Variants in NRP1 observed in about 807,000 individuals in gnomAD.
The protein encoded by NRP1 is neuropilin 1.
Under a neutral mutation model 106.7 loss-of-function variants are expected in NRP1, and 35 were observed. That is an observed-to-expected ratio of 0.33 (90% confidence interval 0.25 to 0.43). The LOEUF is 0.43. Ranked by LOEUF, NRP1 falls within the 20% of genes least tolerant of loss-of-function variation. The pLI is 1.00. For synonymous variants in NRP1, 437 were observed against 417.9 expected, an observed-to-expected ratio of 1.05 and a Z score of -0.56; for missense variants, 1,024 against 1,170.4, an observed-to-expected ratio of 0.87 and a Z score of 1.83.
chr10:33,281,230 A>C (rs1302685962), intron 2 of NRP1, among the ~76,000 whole-genome samples: 1 of 152,014 alleles, frequency 6.6e-6, no homozygotes, highest in Non-Finnish European at 1.5e-5. Context: ...TTGTACTTTT[A>C]GTAGAGACAG....
chr10:33,237,254 A>G (rs1276167269), intron 6 of NRP1, among the ~76,000 whole-genome samples: 2 of 152,166 alleles, frequency 1.3e-5, no homozygotes, highest in Non-Finnish European at 2.9e-5. Flanking sequence ...ATGTGGAGGT[A>G]ATGATGTTAT....
At chr10:33,256,272 T>C (rs770835645) in intron 5 of NRP1, 44 bp downstream of exon 5, 11 of 1,593,392 alleles carry the variant, frequency 6.9e-6, no homozygotes, top group South Asian at 4.4e-5. Context: ...AGGAATAACA[T>C]TGAGTATTTA....
In NRP1 at chr10:33,202,920, C is replaced by G; in HGVS notation, c.1835G>C (p.Ser612Thr). 1 of 1,614,234 alleles carries G rather than the reference C, an allele frequency of 6.2e-7. No individual in the cohort carries two copies. Among genetic ancestry groups the G allele is most frequent in the Non-Finnish European group, 8.5e-7 (1 of 1,180,048 alleles). ...GAGCTGGAAGTCATCACCTGTTCCACTGTGGCAGTTGGCCTGGTCGTCATC... is the reference window on the plus strand; with the variant it reads ...GAGCTGGAAGTCATCACCTGTTCCAGTGTGGCAGTTGGCCTGGTCGTCATC... ...ECDDDQANCH[S>T]GTGDDFQLTG... Residue 612 changes from serine (S) to threonine (T), a missense_variant, in exon 11 of 17, where the codon AGT (serine) becomes ACT (threonine). By Grantham distance (58) the Ser-to-Thr change is moderately conservative (BLOSUM62 1). Around this residue, in one of 5 missense-constraint regions of NRP1, gnomAD observed 562 missense variants for 620.3 expected, o/e 0.91. Transcript: ENST00000374867.
chr10:33,305,540 T>A (rs1031552911), intron 2 of NRP1, among the ~76,000 whole-genome samples: 17 of 152,130 alleles, frequency 1.1e-4, no homozygotes, highest in African/African-American at 3.9e-4. Flanking sequence ...GTCTCGGGAA[T>A]CCTGGGAACC....
intron 4 of NRP1, among the ~76,000 whole-genome samples, chr10:33,262,446 T>A (rs1240881715): frequency 1.3e-5 from 2 of 152,110 alleles, no homozygotes; most frequent in Admixed American, 6.6e-5. Context: ...CTCATGCCTG[T>A]AATCTCAGCA....
chr10:33,218,978 G>A (rs567869171), intron 8 of NRP1, among the ~76,000 whole-genome samples: 6 of 152,240 alleles, frequency 3.9e-5, no homozygotes, highest in East Asian at 1.9e-4. Context: ...CAGGAATACT[G>A]TAGTCCTCCT....
intron 2 of NRP1, among the ~76,000 whole-genome samples, chr10:33,308,755 C>T (rs1846353671): frequency 6.6e-6 from 1 of 152,076 alleles, no homozygotes; most frequent in Non-Finnish European, 1.5e-5. Flanking sequence ...TCCCAAAGTG[C>T]TGGGATTACA....
At position 33,263,685 on chromosome 10, in the gene NRP1, G is replaced by A; in HGVS notation, c.619C>T (p.Arg207Cys). Residue 207 changes from arginine (R) to cysteine (C), a missense_variant, in exon 4 of 17, where the codon CGC (arginine) becomes TGC (cysteine). Transcript: ENST00000374867. ...TCCCAGATTTCTAGCCGGTCGTAGC[G>A]ACAGAACATCCCCCCTGGAGGATTT... is the stretch of plus-strand genomic sequence containing the variant. Reference protein sequence around the residue: ...DSNPPGGMFCRYDRLEIWDGF... With the variant: ...DSNPPGGMFCCYDRLEIWDGF... 2.5e-6 allele frequency: 4 copies of A among 1,613,996 alleles called. No individual in the cohort carries two copies. Among genetic ancestry groups the A allele is most frequent in the East Asian group, 2.2e-5 (1 of 44,872 alleles).
At chr10:33,311,821 T>A (rs532787428) in intron 2 of NRP1, among the ~76,000 whole-genome samples, 1 of 152,302 alleles carries the variant, frequency 6.6e-6, no homozygotes, top group African/African-American at 2.4e-5. Context: ...AGGACTTGTA[T>A]AATATTCCAC....
chr10:33,304,532 C>G (rs1846013855), intron 2 of NRP1, among the ~76,000 whole-genome samples: 1 of 152,174 alleles, frequency 6.6e-6, no homozygotes, highest in Admixed American at 6.5e-5. Flanking sequence ...CTCTTTAGCA[C>G]TAGGGCACCA....
chr10:33,312,755 G>A (rs1250655302), intron 2 of NRP1, among the ~76,000 whole-genome samples: 1 of 152,182 alleles, frequency 6.6e-6, no homozygotes, highest in African/African-American at 2.4e-5. Flanking sequence ...GACACAAAGA[G>A]TGAGGTGGGA....
At chr10:33,307,904 AC>A (rs974437889) in intron 2 of NRP1, among the ~76,000 whole-genome samples, 1 of 152,190 alleles carries the variant, frequency 6.6e-6, no homozygotes, top group South Asian at 2.1e-4. Flanking sequence ...TACCATAAAG[AC>A]ACATGCACAC....
intron 10 of NRP1, 34 bp from the exon 11 acceptor site, chr10:33,203,029 C>A: frequency 6.3e-7 from 1 of 1,577,264 alleles, no homozygotes; most frequent in South Asian, 1.2e-5. Context: ...TATCTCACAC[C>A]TTGGAAATGT....
At chr10:33,221,889 CT>C in intron 7 of NRP1, 26 bp from the exon 8 acceptor site, 1 of 1,581,708 alleles carries the variant, frequency 6.3e-7, no homozygotes, top group Non-Finnish European at 8.7e-7. Context: ...AAGTGCCTTT[CT>C]TTAGCAGAGG....
rs144789048 is a variant in NRP1, at chr10:33,264,970, C to T, written c.431-1097G>A. Among the ~76,000 whole-genome samples, 558 of 152,068 alleles carry T rather than the reference C, an allele frequency of 3.7e-3. 1 individual carries two copies. The highest frequency in any genetic ancestry group is 0.011 in the African/African-American group (449 of 41,480). On this transcript the variant is annotated intron_variant, in intron 3 of 16. Coordinates refer to ENST00000374867, the MANE Select transcript of NRP1 (RefSeq NM_003873.7). ...ACTAAAAATAGAAAAATTAGCTGGG[C>T]GTGGTCGTGGGCACCTGTAATCCCA...
At chr10:33,186,606 C>T (rs1418456438) in intron 13 of NRP1, 118 bp from the exon 14 acceptor site, 7 of 1,207,578 alleles carry the variant, frequency 5.8e-6, no homozygotes, top group Middle Eastern at 2.0e-4. Context: ...AACCCAAATA[C>T]GTAGTGGAAA....
At position 33,180,267 on chromosome 10, in the gene NRP1, T is replaced by A; in HGVS notation, c.2581A>T (p.Ile861Phe). Residue 861 changes from isoleucine (I) to phenylalanine (F), a missense_variant, in exon 17 of 17, where the codon ATC becomes TTC. This residue lies in a region of NRP1 where 164 missense variants were observed against 161.4 expected (regional missense o/e 1.02). Coordinates refer to ENST00000374867, the MANE Select transcript of NRP1 (RefSeq NM_003873.7). ...LKTLDPILIT[I>F]IAMSALGVLL... ...ACCCCCAGGGCACTCATGGCTATGA[T>A]GGTGATGAGGATGGGGTCTAAGGTC... The A allele has an allele frequency of 6.2e-7, 1 of 1,614,112 alleles. No homozygotes were observed. The highest frequency in any genetic ancestry group is 8.5e-7 in the Non-Finnish European group (1 of 1,179,988).
intron 11 of NRP1, among the ~76,000 whole-genome samples, chr10:33,200,134 C>T (rs560205590): frequency 2.8e-4 from 43 of 152,272 alleles, no homozygotes; most frequent in African/African-American, 9.6e-4. Flanking sequence ...GATACATTAG[C>T]GTTCTGTTCC....
intron 13 of NRP1, 24 bp from the exon 14 acceptor site, chr10:33,186,512 A>G: frequency 6.3e-7 from 1 of 1,588,270 alleles, no homozygotes; most frequent in Non-Finnish European, 8.6e-7. Context: ...GAACTGTGTT[A>G]GGGAGAGTGG....
Sources: allele counts gnomAD v4.1 joint callset (sites outside exome capture counted in the v4.1 genomes callset), GRCh38; gene constraint gnomAD v4.1.1; regional missense constraint gnomAD v4.1.1; transcripts MANE v1.5; gene names NCBI Gene and HGNC (gene_info 2026-07-23, HGNC 2026-07-21).